Variants in AGBL4 observed in about 807,000 individuals in gnomAD.
AGBL4 encodes AGBL carboxypeptidase 4.
A neutral mutation model predicts 66.4 loss-of-function variants in AGBL4; 58 were observed. The ratio of observed to expected loss-of-function variants is 0.87; its 90% CI spans 0.71 to 1.09. AGBL4 has a LOEUF of 1.09. Ranked by LOEUF, AGBL4 falls within the 50% of genes least tolerant of loss-of-function variation. The probability of loss-of-function intolerance (pLI) is 0.00; values close to 1 mark genes in which losing one functional copy is unlikely to be tolerated. For missense variants in AGBL4, 579 were observed against 631.0 expected, an observed-to-expected ratio of 0.92 and a Z score of 0.88; for synonymous variants, 234 against 222.9, an observed-to-expected ratio of 1.05 and a Z score of -0.44.
chr1:49,634,902 A>G (rs1271109697), intron 3 of AGBL4, among the ~76,000 whole-genome samples: 1 of 152,236 alleles, frequency 6.6e-6, no homozygotes, highest in Non-Finnish European at 1.5e-5. Flanking sequence ...CATAGACAAT[A>G]CTGTTGAGGC....
At chr1:48,854,754 A>ATT (rs1289317821) in intron 6 of AGBL4, among the ~76,000 whole-genome samples, 1 of 152,176 alleles carries the variant, frequency 6.6e-6, no homozygotes, top group Non-Finnish European at 1.5e-5. Context: ...TCACAGAATG[A>ATT]GAAGTGATAA....
intron 1 of AGBL4, among the ~76,000 whole-genome samples, chr1:50,013,926 C>T (rs1467155709): frequency 1.3e-5 from 2 of 152,198 alleles, no homozygotes; most frequent in Non-Finnish European, 2.9e-5. Flanking sequence ...TGATAAAGGA[C>T]TAGTATCTCC....
chr1:48,946,054 G>A (rs149337255), intron 5 of AGBL4, among the ~76,000 whole-genome samples: 47 of 152,246 alleles, frequency 3.1e-4, no homozygotes, highest in East Asian at 7.7e-4. Context: ...TTCCACCCAC[G>A]AGGAACACCA....
chr1:48,596,501 G>A (rs1644996560), intron 9 of AGBL4, among the ~76,000 whole-genome samples: 1 of 152,032 alleles, frequency 6.6e-6, no homozygotes, highest in Admixed American at 6.6e-5. Context: ...TTCTAAGGCA[G>A]GAAGGAAAAA....
At chr1:48,678,174 G>A (rs937230552) in intron 6 of AGBL4, among the ~76,000 whole-genome samples, 13 of 152,164 alleles carry the variant, frequency 8.5e-5, no homozygotes, top group African/African-American at 3.1e-4. Context: ...CCAGCACCAC[G>A]GTGGGGTAAC....
chr1:48,724,081 T>C (rs911516141), intron 6 of AGBL4, among the ~76,000 whole-genome samples: 2 of 151,806 alleles, frequency 1.3e-5, no homozygotes, highest in Non-Finnish European at 1.5e-5. Context: ...GCATACGGGG[T>C]CAGCAGGTTA....
In AGBL4 at chr1:49,940,849, A is replaced by G. The variant is rs181658068; in HGVS notation, c.34+82914T>C. The stretch of plus-strand genomic sequence containing the variant: ...ACATGTACCCTAAAACTTAAAGTAT[A>G]ATAATAATAAAAAAAATAGAAAAGA... On this transcript the variant is annotated intron_variant, in intron 1 of 13. Transcript: ENST00000371839. 4.9e-3 allele frequency among the ~76,000 whole-genome samples: 741 copies of G among 152,224 alleles called. 3 individuals carry two copies. Among genetic ancestry groups the G allele is most frequent in the Middle Eastern group, 0.014 (4 of 294 alleles).
chr1:48,838,177 T>C (rs2148793147), intron 6 of AGBL4, among the ~76,000 whole-genome samples: 1 of 151,906 alleles, frequency 6.6e-6, no homozygotes, highest in African/African-American at 2.4e-5. Context: ...AACACAGAAA[T>C]AGAAAAAAGC....
rs372291654 is a variant in AGBL4, at chr1:49,554,046, T to C, written c.282+143267A>G. On this transcript the variant is annotated intron_variant, in intron 3 of 13. Coordinates refer to ENST00000371839, the MANE Select transcript of AGBL4 (RefSeq NM_032785.4). ...ACTCAGGAAACCTGAGGGGAGAGCA[T>C]TGTTTGAGGCCAGGAGTTCCAGGCA... Among the ~76,000 whole-genome samples the C allele has an allele frequency of 1.4e-3, 208 of 152,168 alleles. 1 individual carries two copies. Among genetic ancestry groups the C allele is most frequent in the African/African-American group, 4.6e-3 (193 of 41,516 alleles).
At chr1:49,497,831 G>A (rs1364043572) in intron 3 of AGBL4, among the ~76,000 whole-genome samples, 1 of 151,854 alleles carries the variant, frequency 6.6e-6, no homozygotes, top group Non-Finnish European at 1.5e-5. Flanking sequence ...TGTTCTTTTT[G>A]CTCAAGGTTG....
chr1:48,814,364 G>A (rs1359200692), intron 6 of AGBL4, among the ~76,000 whole-genome samples: 1 of 44,460 alleles, frequency 2.2e-5, no homozygotes, highest in Non-Finnish European at 1.9e-4. Context: ...ATATTCATGG[G>A]AAACATAGTG....
chr1:49,904,001 G>A (rs1650023537), intron 1 of AGBL4, among the ~76,000 whole-genome samples: 1 of 152,042 alleles, frequency 6.6e-6, no homozygotes. Flanking sequence ...AGCAGACAAT[G>A]GATACATTTA....
intron 1 of AGBL4, among the ~76,000 whole-genome samples, chr1:49,931,354 T>G (rs1023266156): frequency 6.6e-6 from 1 of 152,286 alleles, no homozygotes; most frequent in East Asian, 1.9e-4. Context: ...TACCTGAGAC[T>G]GGGTAATTTA....
chr1:49,923,969 T>C (rs533587536), intron 1 of AGBL4, among the ~76,000 whole-genome samples: 4 of 152,232 alleles, frequency 2.6e-5, no homozygotes, highest in Non-Finnish European at 5.9e-5. Context: ...ATTACTAGAG[T>C]ATATACCCAA....
At chr1:49,053,135 T>C (rs1161102470) in intron 4 of AGBL4, among the ~76,000 whole-genome samples, 2 of 152,126 alleles carry the variant, frequency 1.3e-5, no homozygotes, top group African/African-American at 4.8e-5. Flanking sequence ...TCTTTCTTGG[T>C]TGGGAACAAT....
At chr1:49,359,256 G>T (rs892621597) in intron 3 of AGBL4, among the ~76,000 whole-genome samples, 1 of 152,178 alleles carries the variant, frequency 6.6e-6, no homozygotes, top group Non-Finnish European at 1.5e-5. Flanking sequence ...AAAGAAAACT[G>T]CATTGGAATA....
intron 9 of AGBL4, among the ~76,000 whole-genome samples, chr1:48,601,997 C>T (rs766940186): frequency 6.6e-6 from 1 of 152,128 alleles, no homozygotes; most frequent in East Asian, 1.9e-4. Flanking sequence ...AGCTGAGGAA[C>T]ATTTTAATTT....
chr1:49,106,974 A>G (rs1285824194), intron 4 of AGBL4, among the ~76,000 whole-genome samples: 1 of 152,172 alleles, frequency 6.6e-6, no homozygotes, highest in Non-Finnish European at 1.5e-5. Flanking sequence ...ACTTGGGGAT[A>G]GAAAATGAAA....
intron 1 of AGBL4, among the ~76,000 whole-genome samples, chr1:49,888,146 C>T (rs1428948091): frequency 1.3e-5 from 2 of 152,084 alleles, no homozygotes; most frequent in Non-Finnish European, 2.9e-5. Flanking sequence ...ATAGATCATG[C>T]ACAGATCTTG....
Sources: allele counts gnomAD v4.1 joint callset (sites outside exome capture counted in the v4.1 genomes callset), GRCh38; gene constraint gnomAD v4.1.1; transcripts MANE v1.5; gene names NCBI Gene and HGNC (gene_info 2026-07-23, HGNC 2026-07-21).